TRPM6: variants seen among roughly 807,000 people sequenced by gnomAD.
The protein encoded by TRPM6 is channel kinase 2.
Under a neutral mutation model 247.6 loss-of-function variants are expected in TRPM6, and 111 were observed. That is an observed-to-expected ratio of 0.45 (90% CI 0.38 to 0.52). The LOEUF (loss-of-function observed/expected upper bound fraction) is 0.52. Among genes scored for constraint, TRPM6 ranks in the 20% least tolerant of loss-of-function variants. The pLI is 0.00. For synonymous variants in TRPM6, 892 were observed against 853.8 expected, an observed-to-expected ratio of 1.04 and a Z score of -0.78; for missense variants, 2,126 against 2,421.5, an observed-to-expected ratio of 0.88 and a Z score of 2.56.
At chr9:74,745,869 T>C (rs906966168) in intron 31 of TRPM6, among the ~76,000 whole-genome samples, 4 of 152,176 alleles carry the variant, frequency 2.6e-5, no homozygotes, top group Non-Finnish European at 5.9e-5. Flanking sequence ...TTATTCTGGC[T>C]GTTTCTGGAA....
chr9:74,831,442 A>G (rs1162757242), intron 6 of TRPM6, among the ~76,000 whole-genome samples: 1 of 152,102 alleles, frequency 6.6e-6, no homozygotes, highest in African/African-American at 2.4e-5. Flanking sequence ...GTGAGCTGAG[A>G]TCGTGCCACC....
intron 28 of TRPM6, among the ~76,000 whole-genome samples, chr9:74,752,755 G>C (rs548300961): frequency 6.6e-6 from 1 of 152,176 alleles, no homozygotes; most frequent in East Asian, 1.9e-4. Flanking sequence ...TCCTAGTCTA[G>C]TTAGGAATCC....
chr9:74,746,447 C>A (rs1826050845), intron 31 of TRPM6, among the ~76,000 whole-genome samples: 1 of 152,046 alleles, frequency 6.6e-6, no homozygotes. Flanking sequence ...TTTGAGACAC[C>A]TTTTAGACCT....
chr9:74,886,670 G>A (rs572221314), intron 1 of TRPM6, among the ~76,000 whole-genome samples: 4 of 152,272 alleles, frequency 2.6e-5, no homozygotes, highest in South Asian at 4.1e-4. Flanking sequence ...TTACTGCCAG[G>A]ATGAAATAGT....
chr9:74,846,686 A>G (rs993497689), intron 3 of TRPM6, among the ~76,000 whole-genome samples: 1 of 152,038 alleles, frequency 6.6e-6, no homozygotes, highest in African/African-American at 2.4e-5. Flanking sequence ...AGCTGGGATT[A>G]CAGGGGTGTG....
chr9:74,867,655 A>C (rs1830891103), intron 1 of TRPM6, among the ~76,000 whole-genome samples: 1 of 152,114 alleles, frequency 6.6e-6, no homozygotes, highest in Non-Finnish European at 1.5e-5. Context: ...TGCCTACCAC[A>C]CCCACCCTCC....
At position 74,761,806 on chromosome 9, in the gene TRPM6, G is replaced by T. The variant is rs760477582; in HGVS notation, c.4675C>A (p.Leu1559Ile). 2 of 1,608,920 alleles carry T rather than the reference G, an allele frequency of 1.2e-6. No homozygotes were observed. The highest frequency in any genetic ancestry group is 1.7e-6 in the Non-Finnish European group (2 of 1,175,318). Residue 1559 changes from leucine (L) to isoleucine (I), a missense_variant and splice_region_variant, in exon 27 of 39, where the codon CTT becomes ATT. Physicochemically the swap from Leu to Ile is conservative, Grantham distance 5. Transcript: ENST00000360774. ...KLMKICKIKNLSGSSEIGQGA... is the reference protein window; with the variant it reads ...KLMKICKIKNISGSSEIGQGA... ...TGCCCTATTTCTGAAGAGCCTGAAA[G>T]ATCTGCAAGGAAATGGTCTACATGA...
chr9:74,795,905 A>G (rs1044139838), intron 18 of TRPM6, among the ~76,000 whole-genome samples: 2 of 152,174 alleles, frequency 1.3e-5, no homozygotes, highest in African/African-American at 2.4e-5. Flanking sequence ...TCCTTCTCTA[A>G]TTACCAGAAG....
chr9:74,785,713 C>T (rs138045263), intron 21 of TRPM6, among the ~76,000 whole-genome samples, 161 bp downstream of exon 21: 64 of 152,146 alleles, frequency 4.2e-4, no homozygotes, highest in Middle Eastern at 3.4e-3. Context: ...TTAGTAGAGA[C>T]GGGGTTTCAC....
intron 27 of TRPM6, among the ~76,000 whole-genome samples, chr9:74,757,110 G>A (rs1047581387): frequency 2.0e-5 from 3 of 148,358 alleles, no homozygotes; most frequent in Non-Finnish European, 3.0e-5. Flanking sequence ...CCCGGGAGGC[G>A]GAGGATGCAG....
intron 1 of TRPM6, among the ~76,000 whole-genome samples, chr9:74,869,969 T>C (rs17060601): frequency 0.35 from 53,439 of 152,056 alleles, 9,796 homozygotes; most frequent in East Asian, 0.5. Context: ...ACTGATAGCC[T>C]GTTTAGCTCT....
chr9:74,730,069 G>A (rs930505451), intron 37 of TRPM6, among the ~76,000 whole-genome samples: 3 of 152,086 alleles, frequency 2.0e-5, no homozygotes, highest in African/African-American at 7.2e-5. Flanking sequence ...GCATCTACCC[G>A]CTACAGCACG....
At chr9:74,852,644 G>A (rs1481476263) in intron 3 of TRPM6, among the ~76,000 whole-genome samples, 4 of 136,286 alleles carry the variant, frequency 2.9e-5, no homozygotes, top group Admixed American at 7.2e-5. Context: ...GGCGCGCGCC[G>A]CCACGCCTGA....
chr9:74,752,897 G>A (rs573592093), intron 28 of TRPM6, among the ~76,000 whole-genome samples: 69 of 152,198 alleles, frequency 4.5e-4, no homozygotes, highest in African/African-American at 1.6e-3. Flanking sequence ...TGGATCACCC[G>A]AGGTCAGGAG....
intron 33 of TRPM6, among the ~76,000 whole-genome samples, chr9:74,741,901 TA>T (rs1825878149): frequency 1.4e-5 from 2 of 143,822 alleles, no homozygotes; most frequent in Admixed American, 6.9e-5. Flanking sequence ...AAAAAAAAAA[TA>T]AAAATAAAAA....
chr9:74,803,468 G>A (rs1828416642), intron 15 of TRPM6, among the ~76,000 whole-genome samples: 1 of 152,212 alleles, frequency 6.6e-6, no homozygotes, highest in Non-Finnish European at 1.5e-5. Flanking sequence ...ACTGGCCTTA[G>A]GGAACAGCAC....
In TRPM6 at chr9:74,820,430, G is replaced by A. The variant is rs745823591; in HGVS notation, c.1011-3C>T. 2.2e-5 allele frequency: 35 copies of A among 1,613,900 alleles called. No homozygotes were observed. The highest frequency in any genetic ancestry group is 2.9e-5 in the Non-Finnish European group (34 of 1,180,020). Reference sequence around the variant, plus strand: ...CTTTCACCTGAGGTCGCAGCATCCTGGAAGAGAAATAAATGGTCTTGACAC... The same window carrying A: ...CTTTCACCTGAGGTCGCAGCATCCTAGAAGAGAAATAAATGGTCTTGACAC... On this transcript the variant is annotated splice_polypyrimidine_tract_variant and splice_region_variant and intron_variant, in intron 8 of 38. Coordinates refer to ENST00000360774, the MANE Select transcript of TRPM6 (RefSeq NM_017662.5).
At chr9:74,791,056 C>T (rs964536987) in intron 19 of TRPM6, among the ~76,000 whole-genome samples, 3 of 152,180 alleles carry the variant, frequency 2.0e-5, no homozygotes, top group Non-Finnish European at 4.4e-5. Flanking sequence ...TGTGCTATTG[C>T]TTAGCTTTGT....
At chr9:74,839,049 G>T (rs779196981) in intron 5 of TRPM6, among the ~76,000 whole-genome samples, 2 of 149,962 alleles carry the variant, frequency 1.3e-5, no homozygotes, top group South Asian at 2.1e-4. Context: ...GGCGGAGATC[G>T]CAGTGAGCCA....
Sources: gnomAD v4.1 joint callset for allele counts (sites outside exome capture counted in the v4.1 genomes callset) on GRCh38, gnomAD v4.1.1 for gene constraint, MANE v1.5 for transcripts, NCBI Gene and HGNC (gene_info 2026-07-23, HGNC 2026-07-21) for gene names.